The following TEC variants were observed in gnomAD, a reference collection of about 807,000 sequenced individuals.
TEC encodes tec protein tyrosine kinase.
A neutral mutation model predicts 93.0 loss-of-function variants in TEC; 72 were observed. That is an observed-to-expected ratio of 0.77 (90% confidence interval 0.64 to 0.94). The LOEUF (loss-of-function observed/expected upper bound fraction) is 0.94. TEC is among the 40% of genes least tolerant of loss of function. TEC has a pLI of 0.00. For missense variants in TEC, 630 were observed against 757.9 expected (o/e 0.83, Z 1.98); for synonymous variants, 249 against 247.7 (o/e 1.01, Z -0.05).
intron 1 of TEC, among the ~76,000 whole-genome samples, chr4:48,252,841 G>A (rs1724239554): frequency 6.6e-6 from 1 of 152,156 alleles, no homozygotes; most frequent in Non-Finnish European, 1.5e-5. Context: ...TTCTACTCTA[G>A]GACCAGTGGC....
intron 2 of TEC, among the ~76,000 whole-genome samples, chr4:48,203,958 C>A (rs939869649): frequency 5.3e-5 from 8 of 152,222 alleles, no homozygotes; most frequent in Admixed American, 3.9e-4. Flanking sequence ...CACCACATAT[C>A]AAGTCCTGTG....
intron 2 of TEC, among the ~76,000 whole-genome samples, chr4:48,183,494 C>T (rs899928348): frequency 1.4e-4 from 22 of 152,176 alleles, no homozygotes; most frequent in Non-Finnish European, 2.9e-4. Context: ...TCATCCAATC[C>T]GATGAGGGGG....
At chr4:48,258,266 C>T (rs865891250) in intron 1 of TEC, among the ~76,000 whole-genome samples, 2 of 151,898 alleles carry the variant, frequency 1.3e-5, no homozygotes, top group Middle Eastern at 3.4e-3. Flanking sequence ...CTCAGCCTCC[C>T]GAGTAGCTGG....
At chr4:48,192,284 T>C (rs1722119447) in intron 2 of TEC, among the ~76,000 whole-genome samples, 1 of 152,184 alleles carries the variant, frequency 6.6e-6, no homozygotes, top group Non-Finnish European at 1.5e-5. Context: ...ATTCTAGAAT[T>C]CTAGAACATG....
chr4:48,265,501 A>G (rs781309843), intron 1 of TEC, among the ~76,000 whole-genome samples: 30 of 108,060 alleles, frequency 2.8e-4, no homozygotes, highest in South Asian at 6.2e-4. Flanking sequence ...ATGTGTGTAT[A>G]TATATATATA....
In TEC at chr4:48,138,942, T is replaced by A. The variant is rs200292050; in HGVS notation, c.1616A>T (p.Tyr539Phe). ...ATCTGATTTGCTGCTGAAGCGGCTG[T>A]AATTAAACACTTCAGGTGGACACCA... ...VKWCPPEVFN[Y>F]SRFSSKSDVW... Residue 539 changes from tyrosine (Y) to phenylalanine (F), a missense_variant, in exon 16 of 18, where the codon TAC (tyrosine) becomes TTC (phenylalanine). This residue lies in a region of TEC where 289 missense variants were observed against 390.0 expected (regional missense o/e 0.74). Coordinates refer to ENST00000381501, the MANE Select transcript of TEC (RefSeq NM_003215.3). 1 of 1,614,108 alleles carries A rather than the reference T, an allele frequency of 6.2e-7. No homozygotes were observed. Among genetic ancestry groups the A allele is most frequent in the Non-Finnish European group, 8.5e-7 (1 of 1,180,038 alleles).
At chr4:48,244,447 C>G (rs1724001645) in intron 1 of TEC, among the ~76,000 whole-genome samples, 1 of 152,212 alleles carries the variant, frequency 6.6e-6, no homozygotes, top group Non-Finnish European at 1.5e-5. Context: ...TTATAATCAT[C>G]AGATCTTGTA....
At chr4:48,228,694 G>A in intron 1 of TEC, 35 bp from the exon 2 acceptor site, 3 of 1,501,660 alleles carry the variant, frequency 2.0e-6, no homozygotes, top group Non-Finnish European at 2.7e-6. Context: ...AAATGTGACA[G>A]TTTAATTTTC....
intron 11 of TEC, among the ~76,000 whole-genome samples, chr4:48,147,735 T>C (rs1489952140): frequency 1.3e-5 from 2 of 152,200 alleles, no homozygotes; most frequent in African/African-American, 2.4e-5. Context: ...AAGAGTTAAA[T>C]GTAGACTTGT....
chr4:48,175,062 C>G (rs1331580457), intron 3 of TEC, among the ~76,000 whole-genome samples: 2 of 152,204 alleles, frequency 1.3e-5, no homozygotes, highest in African/African-American at 2.4e-5. Context: ...TCTCTAAGCA[C>G]TTACTGTCCC....
chr4:48,217,379 G>T (rs1432420441), intron 2 of TEC, among the ~76,000 whole-genome samples: 1 of 152,186 alleles, frequency 6.6e-6, no homozygotes, highest in African/African-American at 2.4e-5. Flanking sequence ...TGGGATTACA[G>T]GCGTGAGATA....
intron 2 of TEC, among the ~76,000 whole-genome samples, chr4:48,177,682 T>C (rs1342192088): frequency 2.6e-5 from 4 of 152,214 alleles, no homozygotes; most frequent in African/African-American, 9.7e-5. Context: ...GGTCTGGCTC[T>C]GTGTCCCCAC....
chr4:48,265,448 T>C (rs1297879873), intron 1 of TEC, among the ~76,000 whole-genome samples: 7 of 15,716 alleles, frequency 4.5e-4, no homozygotes, highest in Admixed American at 1.5e-3. Flanking sequence ...TATATACGTA[T>C]ATATATACAT....
At chr4:48,142,261 A>G (rs1044880786) in intron 14 of TEC, among the ~76,000 whole-genome samples, 1 of 152,098 alleles carries the variant, frequency 6.6e-6, no homozygotes, top group Non-Finnish European at 1.5e-5. Flanking sequence ...ACTTGAGGTC[A>G]GGAGTTCGGG....
intron 8 of TEC, 133 bp downstream of exon 8, chr4:48,163,569 T>C: frequency 1.7e-6 from 1 of 603,908 alleles, no homozygotes; most frequent in Non-Finnish European, 2.9e-6. Flanking sequence ...CATCAGGCAA[T>C]TGAGTTAAGG....
At chr4:48,167,742 C>T (rs747362151) in intron 7 of TEC, 36 bp downstream of exon 7, 1 of 1,597,180 alleles carries the variant, frequency 6.3e-7, no homozygotes, top group African/African-American at 1.3e-5. Flanking sequence ...CTCCCACCTA[C>T]CCACTGCATA....
chr4:48,234,570 C>T (rs1723734161), intron 1 of TEC, among the ~76,000 whole-genome samples: 1 of 151,954 alleles, frequency 6.6e-6, no homozygotes, highest in Non-Finnish European at 1.5e-5. Flanking sequence ...AAAATTTAGC[C>T]AATTTTAAAA....
intron 1 of TEC, among the ~76,000 whole-genome samples, chr4:48,242,814 C>T (rs1294727935): frequency 6.6e-6 from 1 of 152,080 alleles, no homozygotes; most frequent in African/African-American, 2.4e-5. Flanking sequence ...TACCATTATT[C>T]TAAATTTTCT....
At position 48,151,611 on chromosome 4, in the gene TEC, C is replaced by A. The variant is rs924024251; in HGVS notation, c.793-669G>T. 3.9e-5 allele frequency among the ~76,000 whole-genome samples: 6 copies of A among 152,246 alleles called. No individual in the cohort carries two copies. The East Asian group carries it at 1.2e-3, about 29-fold the overall frequency. Reference sequence around the variant, plus strand: ...AAGCAGTTCTCCTGCCTCAGCCTCCCGAGTAGCTGGAATTACAGGTGTGCA... The same window carrying A: ...AAGCAGTTCTCCTGCCTCAGCCTCCAGAGTAGCTGGAATTACAGGTGTGCA... On this transcript the variant is annotated intron_variant, in intron 9 of 17. Transcript: ENST00000381501.
Sources: allele counts gnomAD v4.1 joint callset (sites outside exome capture counted in the v4.1 genomes callset), GRCh38; gene constraint gnomAD v4.1.1; regional missense constraint gnomAD v4.1.1; transcripts MANE v1.5; gene names NCBI Gene and HGNC (gene_info 2026-07-23, HGNC 2026-07-21).